The following DYNC2LI1 variants were observed in gnomAD, a reference collection of about 807,000 sequenced individuals.
DYNC2LI1 encodes the protein cytoplasmic dynein 2 light intermediate chain 1.
Under a neutral mutation model 51.9 loss-of-function variants are expected in DYNC2LI1, and 45 were observed. That is an observed-to-expected ratio of 0.87 (90% CI 0.68 to 1.11). DYNC2LI1 has a LOEUF of 1.11. Among genes scored for constraint, DYNC2LI1 ranks in the 50% most tolerant of loss-of-function variants. DYNC2LI1 has a pLI of 0.00. For missense variants in DYNC2LI1, 490 were observed against 417.4 expected (o/e 1.17, Z -1.51); for synonymous variants, 130 against 137.8 (o/e 0.94, Z 0.40).
At chr2:43,786,795 C>G (rs1204989095) in intron 3 of DYNC2LI1, among the ~76,000 whole-genome samples, 1 of 152,130 alleles carries the variant, frequency 6.6e-6, no homozygotes, top group Admixed American at 6.5e-5. Context: ...CACTGCACTC[C>G]AGCCTGGGCG....
At chr2:43,822,518 C>T in the DYNC2LI1 span, 1 of 981,610 alleles carries the variant, frequency 1.0e-6, no homozygotes, top group African/African-American at 1.8e-5. Flanking sequence ...CTTCAGAGTC[C>T]TCTCTTCTCT....
At chr2:43,792,934 A>G in intron 5 of DYNC2LI1, 4 of 902,964 alleles carry the variant, frequency 4.4e-6, no homozygotes, top group Non-Finnish European at 6.2e-6. Flanking sequence ...TCATCTTTTG[A>G]CTATTGTGAG....
intron 5 of DYNC2LI1, among the ~76,000 whole-genome samples, chr2:43,790,681 C>T (rs1673742802): frequency 6.6e-6 from 1 of 151,900 alleles, no homozygotes; most frequent in Admixed American, 6.6e-5. Context: ...AAAAAATAAC[C>T]ACTTTAACAT....
At chr2:43,795,001 A>T (rs1478335940) in intron 6 of DYNC2LI1, 2 of 1,165,448 alleles carry the variant, frequency 1.7e-6, no homozygotes, top group Non-Finnish European at 2.1e-6. Flanking sequence ...TGAAGCTACA[A>T]CTTTAAGCAA....
At chr2:43,824,169 G>A in the DYNC2LI1 span, 1 of 1,613,758 alleles carries the variant, frequency 6.2e-7, no homozygotes, top group Non-Finnish European at 8.5e-7. Context: ...GTTATTGGGG[G>A]ATGGCTAAAG....
At chr2:43,793,236 G>A (rs1673871638) in intron 5 of DYNC2LI1, 1 of 152,562 alleles carries the variant, frequency 6.6e-6, no homozygotes, top group Non-Finnish European at 1.5e-5. Context: ...CACTTTGGGA[G>A]GCTGAGGTGG....
chr2:43,827,266 A>G, the DYNC2LI1 span, among the ~76,000 whole-genome samples: 226 of 151,646 alleles, frequency 1.5e-3, no homozygotes, highest in Non-Finnish European at 2.6e-3. Flanking sequence ...TGGAGGTTGC[A>G]GTGAGCCAAG....
At chr2:43,806,892 C>G (rs17031630) in intron 12 of DYNC2LI1, among the ~76,000 whole-genome samples, 1 of 151,946 alleles carries the variant, frequency 6.6e-6, no homozygotes, top group Non-Finnish European at 1.5e-5. Flanking sequence ...TCTCTTGGTT[C>G]GAGATTTTTT....
At position 43,780,115 on chromosome 2, in the gene DYNC2LI1, C is replaced by G. The variant is rs148196196; in HGVS notation, c.126+3216C>G. Among the ~76,000 whole-genome samples, 51 of 152,236 alleles carry G rather than the reference C, an allele frequency of 3.4e-4. 1 individual carries two copies. The highest frequency in any genetic ancestry group is 1.1e-3 in the African/African-American group (47 of 41,526). ...TGGGGGGAAGAGGGGTGTCAATGGA[C>G]ATTTGAGACCTTTCACTAAGGTCAA... On this transcript the variant is annotated intron_variant, in intron 2 of 12. Transcript: ENST00000260605.
downstream of DYNC2LI1, chr2:43,813,315 A>G (rs763578681): frequency 6.2e-7 from 1 of 1,601,514 alleles, no homozygotes; most frequent in Non-Finnish European, 8.6e-7. Flanking sequence ...GCTGCCTGTC[A>G]AGGAAAAGAT....
At chr2:43,811,811 G>A (rs887270949), downstream of DYNC2LI1, among the ~76,000 whole-genome samples, 5 of 152,048 alleles carry the variant, frequency 3.3e-5, no homozygotes, top group Non-Finnish European at 7.4e-5. Flanking sequence ...GGCCAGGATG[G>A]TCTCAATCTC....
the DYNC2LI1 span, chr2:43,820,167 C>A: frequency 1.3e-6 from 2 of 1,530,324 alleles, no homozygotes; most frequent in Non-Finnish European, 1.8e-6. Context: ...ACTGCACTTG[C>A]CTCTGTGAAT....
the DYNC2LI1 span, among the ~76,000 whole-genome samples, chr2:43,818,603 C>G: frequency 6.6e-6 from 1 of 152,182 alleles, no homozygotes; most frequent in South Asian, 2.1e-4. Flanking sequence ...AAGGTTGGCT[C>G]TGTACATTGC....
chr2:43,794,841 C>T, intron 6 of DYNC2LI1, 198 bp downstream of exon 6: 1 of 1,440,166 alleles, frequency 6.9e-7, no homozygotes, highest in Non-Finnish European at 9.1e-7. Context: ...CTTATATCTT[C>T]TTGTTAGACA....
At chr2:43,782,584 A>T (rs1260219946) in intron 2 of DYNC2LI1, among the ~76,000 whole-genome samples, 2 of 151,400 alleles carry the variant, frequency 1.3e-5, no homozygotes, top group South Asian at 2.1e-4. Flanking sequence ...ACTATTTTTT[A>T]AAAATGATAT....
chr2:43,805,967 C>T (rs1286729467), intron 12 of DYNC2LI1, among the ~76,000 whole-genome samples: 5 of 151,948 alleles, frequency 3.3e-5, no homozygotes, highest in African/African-American at 9.7e-5. Flanking sequence ...CTACAACCTC[C>T]GCCTCCCGGG....
chr2:43,798,110 C>G (rs984138081), intron 8 of DYNC2LI1, among the ~76,000 whole-genome samples: 1 of 143,960 alleles, frequency 6.9e-6, no homozygotes, highest in African/African-American at 2.6e-5. Context: ...CTGGGCTTGT[C>G]TCAAAAAAAA....
chr2:43,823,419 T>C, the DYNC2LI1 span, among the ~76,000 whole-genome samples: 1 of 152,138 alleles, frequency 6.6e-6, no homozygotes, highest in East Asian at 1.9e-4. Flanking sequence ...CCTTCCCTCT[T>C]ATTCCCTAAC....
chr2:43,796,732 G>A lies in DYNC2LI1; in HGVS notation c.591G>A (p.Glu197=), dbSNP rs774638500. 3.7e-6 allele frequency: 6 copies of A among 1,612,772 alleles called. No homozygotes were observed. The Admixed American group carries it at 1.0e-4, about 27-fold the overall frequency. The change falls in exon 8 of 13, where the codon GAG becomes GAA. Residue 197 remains glutamate (E), a synonymous_variant. Coordinates refer to ENST00000260605, the MANE Select transcript of DYNC2LI1 (RefSeq NM_016008.4). ...KYDVFQDFES[E]KRKVICKTLR... is the part of the protein sequence containing the mutation. ...TATTTCTACAGGATTTTGAGTCTGA[G>A]AAGAGAAAGGTAATATGCAAGACAC... is the stretch of plus-strand genomic sequence containing the variant.
Sources: allele counts gnomAD v4.1 joint callset (sites outside exome capture counted in the v4.1 genomes callset), GRCh38; gene constraint gnomAD v4.1.1; transcripts MANE v1.5; gene names NCBI Gene and HGNC (gene_info 2026-07-23, HGNC 2026-07-21).